Variants in TMEM266 observed in about 807,000 individuals in gnomAD.
TMEM266 encodes the protein Hv1 related protein 1.
TMEM266 carries 33 observed loss-of-function variants against 50.5 expected under a neutral mutation model. The observed-to-expected ratio is 0.65, with a 90% CI of 0.50 to 0.87. TMEM266 has a LOEUF of 0.87. Ranked by LOEUF, TMEM266 falls within the 40% of genes least tolerant of loss-of-function variation. The pLI is 0.00. For missense variants in TMEM266, 655 were observed against 695.1 expected, an observed-to-expected ratio of 0.94 and a Z score of 0.65; for synonymous variants, 310 against 292.3, an observed-to-expected ratio of 1.06 and a Z score of -0.62.
Position 76,137,833 on chromosome 15 carries a change from C to T in TMEM266, c.165C>T (p.Val55=), listed in dbSNP as rs900090487. ...ATCGGGACTTGCCCCTGGCTGCTGT[C>T]GATCTCTCCACGGCGGGCTCGCAGC... is the stretch of plus-strand genomic sequence containing the variant. The change falls in exon 3 of 11, where the codon GTC becomes GTT. Residue 55 remains valine, a synonymous_variant. Transcript: ENST00000388942. The T allele has an allele frequency of 1.2e-5, 19 of 1,613,000 alleles. No individual in the cohort carries two copies. The highest frequency in any genetic ancestry group is 6.7e-5 in the Admixed American group (4 of 59,848).
At chr15:76,165,684 G>A (rs550200912) in intron 5 of TMEM266, among the ~76,000 whole-genome samples, 28 of 152,198 alleles carry the variant, frequency 1.8e-4, no homozygotes, top group African/African-American at 5.8e-4. Flanking sequence ...TTAGTGAGCC[G>A]TGTGCCTCGC....
chr15:76,180,913 C>G (rs1377800522), intron 8 of TMEM266: 1 of 152,170 alleles, frequency 6.6e-6, no homozygotes, highest in Admixed American at 6.5e-5. Context: ...CGCACCCAGC[C>G]CATCTTAACT....
Position 76,141,790 on chromosome 15 carries a change from C to T in TMEM266, c.227+3895C>T, listed in dbSNP as rs74618939. Among the ~76,000 whole-genome samples the T allele has an allele frequency of 6.7e-3, 1,015 of 152,310 alleles. 9 individuals are homozygous for T. Among genetic ancestry groups the T allele is most frequent in the African/African-American group, 0.024 (978 of 41,576 alleles). On this transcript the variant is annotated intron_variant, in intron 3 of 10. Transcript: ENST00000388942. The stretch of plus-strand genomic sequence containing the variant: ...GAAACCACTATTCGACTTTCTGTCC[C>T]TTTGAATTCGACTACTCTAAGTGCC...
chr15:76,191,595 G>A, intron 8 of TMEM266: 1 of 176,562 alleles, frequency 5.7e-6, no homozygotes, highest in Admixed American at 6.3e-5. Context: ...ATGTTGTCGA[G>A]CACCCCTTGG....
At chr15:76,142,550 C>T (rs1411409143) in intron 3 of TMEM266, among the ~76,000 whole-genome samples, 3 of 152,206 alleles carry the variant, frequency 2.0e-5, no homozygotes, top group Admixed American at 6.5e-5. Context: ...TTCCACCTGA[C>T]AGTGCATGAG....
chr15:76,123,711 A>C (rs2037377613), intron 1 of TMEM266, among the ~76,000 whole-genome samples: 1 of 146,810 alleles, frequency 6.8e-6, no homozygotes, highest in Non-Finnish European at 1.5e-5. Flanking sequence ...CAAGGGATGA[A>C]TCTTTTTTTT....
chr15:76,084,598 G>GTTTT (rs111324062), intron 1 of TMEM266, among the ~76,000 whole-genome samples: 1 of 87,680 alleles, frequency 1.1e-5, no homozygotes. Flanking sequence ...GTTTTTTTTG[G>GTTTT]TTTTTTTTTT....
chr15:76,081,494 C>T (rs2036693605), intron 1 of TMEM266, among the ~76,000 whole-genome samples: 1 of 152,164 alleles, frequency 6.6e-6, no homozygotes, highest in Admixed American at 6.5e-5. Context: ...ATGTTCCAGC[C>T]ATACTGAAGC....
chr15:76,168,120 G>C lies in TMEM266; in HGVS notation c.457-1696G>C, dbSNP rs1180661272. ...GGCCACACAACCAGCCCATTATTGA[G>C]CTCTGATCTCAAGACATTGTGGCCA... On this transcript the variant is annotated intron_variant, in intron 5 of 10. Transcript: ENST00000388942. The surrounding 1 kb of genome is among the most constrained non-coding windows in gnomAD (Gnocchi z 4.4). Among the ~76,000 whole-genome samples, 1 of 152,200 alleles carries C rather than the reference G, an allele frequency of 6.6e-6. No individual in the cohort carries two copies. The highest frequency in any genetic ancestry group is 1.5e-5 in the Non-Finnish European group (1 of 68,048).
intron 1 of TMEM266, among the ~76,000 whole-genome samples, chr15:76,083,810 G>A (rs2036731375): frequency 1.3e-5 from 2 of 152,190 alleles, no homozygotes; most frequent in Non-Finnish European, 2.9e-5. Context: ...TGTCTGTCCG[G>A]TGGTGGGCCA....
chr15:76,170,430 C>G (rs1378820988), intron 6 of TMEM266, among the ~76,000 whole-genome samples: 1 of 152,182 alleles, frequency 6.6e-6, no homozygotes, highest in Non-Finnish European at 1.5e-5. Flanking sequence ...GGATCTGACA[C>G]AGTGGGCCTG....
intron 10 of TMEM266, 23 bp from the exon 11 acceptor site, chr15:76,203,718 C>A: frequency 6.3e-7 from 1 of 1,597,618 alleles, no homozygotes. Context: ...GAAGTGTGAC[C>A]AAGATCCCCT....
intron 1 of TMEM266, among the ~76,000 whole-genome samples, chr15:76,085,131 T>C (rs550559168): frequency 8.3e-4 from 125 of 151,372 alleles, no homozygotes; most frequent in Non-Finnish European, 1.4e-3. Context: ...TGCTAATTTT[T>C]TGTATTTTTA....
At chr15:76,152,799 A>G (rs1177109780) in intron 3 of TMEM266, among the ~76,000 whole-genome samples, 5 of 152,058 alleles carry the variant, frequency 3.3e-5, no homozygotes, top group African/African-American at 1.2e-4. Context: ...TGTAGTACCC[A>G]TCACACCAGC....
chr15:76,143,100 C>T (rs2142036277), intron 3 of TMEM266, among the ~76,000 whole-genome samples: 1 of 152,342 alleles, frequency 6.6e-6, no homozygotes. Context: ...TCTCTTCCTT[C>T]CTCCCTTTTA....
At position 76,137,714 on chromosome 15, in the gene TMEM266, A is replaced by G. The variant is rs928955471; in HGVS notation, c.46A>G (p.Ile16Val). The change falls in exon 3 of 11, where the codon ATA becomes GTA. Residue 16 changes from isoleucine to valine, a missense_variant. Ile to Val is a conservative substitution (Grantham distance 29, BLOSUM62 3). Transcript: ENST00000388942. The stretch of plus-strand genomic sequence containing the variant: ...TCCTCCTCTCCAACCCAGGCCTGCC[A>G]TAGAAGGAGGAATTTCTGAAGTTGA... The G allele has an allele frequency of 9.9e-6, 16 of 1,614,122 alleles. No homozygotes were observed. Among genetic ancestry groups the G allele is most frequent in the Admixed American group, 1.7e-5 (1 of 60,028 alleles).
chr15:76,173,948 A>T (rs560138716), intron 7 of TMEM266, among the ~76,000 whole-genome samples: 1 of 151,630 alleles, frequency 6.6e-6, no homozygotes, highest in South Asian at 2.1e-4. Flanking sequence ...AAAATAAAAA[A>T]AAAAAAAAGA....
intron 3 of TMEM266, among the ~76,000 whole-genome samples, chr15:76,147,100 A>G (rs1452290711): frequency 1.3e-5 from 2 of 152,126 alleles, no homozygotes; most frequent in Non-Finnish European, 2.9e-5. Context: ...GGGAGTTGGG[A>G]GCTGGTCCCT....
In TMEM266 at chr15:76,200,928, G is replaced by A. The variant is rs73451273; in HGVS notation, c.959-1274G>A. Among the ~76,000 whole-genome samples, 695 of 152,300 alleles carry A rather than the reference G, an allele frequency of 4.6e-3. 6 individuals carry two copies. Among genetic ancestry groups the A allele is most frequent in the African/African-American group, 0.016 (659 of 41,572 alleles). ...GCTTTTAAGAGCCAGGCCCTTCTGT[G>A]CTGCCTCCAGCCTCCCAGGGTCAGG... On this transcript the variant is annotated intron_variant, in intron 9 of 10. Coordinates refer to ENST00000388942, the MANE Select transcript of TMEM266 (RefSeq NM_152335.3).
Sources: allele counts gnomAD v4.1 joint callset (sites outside exome capture counted in the v4.1 genomes callset), GRCh38; gene constraint gnomAD v4.1.1; non-coding constraint Gnocchi (gnomAD v3.1); transcripts MANE v1.5; gene names NCBI Gene and HGNC (gene_info 2026-07-23, HGNC 2026-07-21).